Variants in TFDP2 observed in about 807,000 individuals in gnomAD.
TFDP2 encodes transcription factor Dp-2 (E2F dimerization partner 2).
TFDP2 carries 17 observed loss-of-function variants against 59.3 expected under a neutral mutation model. The ratio of observed to expected loss-of-function variants is 0.29; its 90% CI spans 0.20 to 0.43. The LOEUF (loss-of-function observed/expected upper bound fraction) is 0.43, where lower values mean the gene tolerates loss of function less well. Among genes scored for constraint, TFDP2 ranks in the 20% least tolerant of loss-of-function variants. The pLI is 1.00. For synonymous variants in TFDP2, 180 were observed against 194.7 expected, an observed-to-expected ratio of 0.92 and a Z score of 0.63; for missense variants, 391 against 528.8, an observed-to-expected ratio of 0.74 and a Z score of 2.56.
chr3:141,993,575 G>A lies in TFDP2; in HGVS notation c.319C>T (p.Arg107Trp), dbSNP rs1234851429. The change falls in exon 6 of 13, where the codon CGG becomes TGG. Residue 107 changes from arginine (R) to tryptophan (W), a missense_variant. Physicochemically the swap from Arg to Trp is moderately radical, Grantham distance 101. Coordinates refer to ENST00000489671, the MANE Select transcript of TFDP2 (RefSeq NM_001178139.2). The part of the protein sequence containing the change: ...ATGWVPGDRK[R>W]ARKFIDSDFS... ...TCAGAGTCTATAAATTTTCTAGCCC[G>A]TTTTCTATCACTAAAAAGGAAAAAA... The A allele has an allele frequency of 3.8e-6, 6 of 1,563,848 alleles. No homozygotes were observed. Among genetic ancestry groups the A allele is most frequent in the South Asian group, 2.3e-5 (2 of 85,940 alleles).
intron 2 of TFDP2, among the ~76,000 whole-genome samples, chr3:142,093,741 T>C (rs891939426): frequency 1.3e-5 from 2 of 152,214 alleles, no homozygotes; most frequent in African/African-American, 2.4e-5. Context: ...GTAAAATACA[T>C]TGGCCTTAAG....
chr3:142,030,796 G>GC (rs1946388004), intron 3 of TFDP2, among the ~76,000 whole-genome samples: 1 of 137,362 alleles, frequency 7.3e-6, no homozygotes, highest in South Asian at 2.3e-4. Context: ...AGGCTGGAGT[G>GC]CAGTGGCGCG....
chr3:142,023,118 G>A (rs72990266), intron 3 of TFDP2, among the ~76,000 whole-genome samples: 102,848 of 126,524 alleles, frequency 0.81, 41,838 homozygotes, highest in African/African-American at 0.95. Flanking sequence ...GACTCCCTCC[G>A]TCTCAAAAAA....
At chr3:142,097,823 T>C (rs577651367) in intron 2 of TFDP2, among the ~76,000 whole-genome samples, 2 of 152,148 alleles carry the variant, frequency 1.3e-5, no homozygotes, top group African/African-American at 2.4e-5. Flanking sequence ...ATAGTCCCTA[T>C]TGCCCAGGCT....
Position 141,952,386 on chromosome 3 carries a change from T to TAGA in TFDP2, c.*126_*127insTCT. The TAGA allele has an allele frequency of 1.2e-6, 1 of 843,224 alleles. No individual in the cohort carries two copies. Among genetic ancestry groups the TAGA allele is most frequent in the Non-Finnish European group, 1.7e-6 (1 of 571,494 alleles). 52.2% of individuals were successfully genotyped at this position (843,224 alleles called of 1,614,324 possible). A position where few individuals can be genotyped will look rare whatever the true frequency, so the allele number is the denominator to read the frequency against. On this transcript the variant is annotated 3_prime_UTR_variant, in exon 13 of 13. Transcript: ENST00000489671. Reference sequence around the variant, plus strand: ...CTTCATGTGATTTGCTTATTGTGTTTCTCTAGTTTTCACTGAACACACAGT... The same window carrying TAGA: ...CTTCATGTGATTTGCTTATTGTGTTTAGACTCTAGTTTTCACTGAACACACAGT...
chr3:142,102,170 C>A (rs1010233999), intron 1 of TFDP2, among the ~76,000 whole-genome samples: 2 of 152,108 alleles, frequency 1.3e-5, no homozygotes, highest in African/African-American at 4.8e-5. Context: ...ACAAGATAAA[C>A]CTAGAACATC....
chr3:142,087,997 C>A (rs771121436), intron 3 of TFDP2, among the ~76,000 whole-genome samples: 2 of 152,170 alleles, frequency 1.3e-5, no homozygotes, highest in Non-Finnish European at 2.9e-5. Flanking sequence ...CAGTCCTATA[C>A]CCTGATATAC....
At chr3:142,137,424 T>C (rs985272613) in intron 1 of TFDP2, among the ~76,000 whole-genome samples, 1 of 152,212 alleles carries the variant, frequency 6.6e-6, no homozygotes, top group Non-Finnish European at 1.5e-5. Flanking sequence ...CTATGTTGAA[T>C]AGAAGTGGTG....
chr3:142,006,943 A>G (rs1256493963), intron 3 of TFDP2, among the ~76,000 whole-genome samples: 1 of 151,852 alleles, frequency 6.6e-6, no homozygotes, highest in African/African-American at 2.4e-5. Context: ...TGCCTGGCTA[A>G]TTTTTGTGTT....
intron 2 of TFDP2, among the ~76,000 whole-genome samples, chr3:142,097,117 T>A (rs2061186719): frequency 6.6e-6 from 1 of 152,218 alleles, no homozygotes; most frequent in Non-Finnish European, 1.5e-5. Flanking sequence ...CACCATTTTT[T>A]GCTGATTAAA....
chr3:142,058,754 C>A (rs2059823599), intron 3 of TFDP2, among the ~76,000 whole-genome samples: 1 of 152,170 alleles, frequency 6.6e-6, no homozygotes, highest in African/African-American at 2.4e-5. Context: ...GCCACCCTCC[C>A]AGTACCTCAC....
At chr3:142,000,241 T>G (rs1576644978) in intron 4 of TFDP2, 1 of 700,640 alleles carries the variant, frequency 1.4e-6, no homozygotes, top group East Asian at 2.7e-5. Flanking sequence ...CCACAGAAAT[T>G]TATTGCTCAC....
Position 141,998,606 on chromosome 3 carries a change from G to A in TFDP2, c.187-3465C>T, listed in dbSNP as rs145635037. Among the ~76,000 whole-genome samples, 55 of 152,142 alleles carry A rather than the reference G, an allele frequency of 3.6e-4. 1 individual carries two copies. In the East Asian group the frequency reaches 9.9e-3, roughly 27 times the overall value. On this transcript the variant is annotated intron_variant, in intron 4 of 12. Transcript: ENST00000489671. ...CACTCTCCAGCCTAGGTGACAGAGC[G>A]AGACTCTGTCAAAAAAGAAAAAAAA...
At chr3:141,965,025 C>G (rs1239759065) in intron 9 of TFDP2, among the ~76,000 whole-genome samples, 1 of 152,186 alleles carries the variant, frequency 6.6e-6, no homozygotes, top group Non-Finnish European at 1.5e-5. Flanking sequence ...GCACTCCAGC[C>G]TGGGCAACAA....
chr3:142,023,388 G>A (rs548974871), intron 3 of TFDP2, among the ~76,000 whole-genome samples: 39 of 150,872 alleles, frequency 2.6e-4, no homozygotes, highest in East Asian at 1.8e-3. Flanking sequence ...ACAGGGTTTC[G>A]CCATGTTGTC....
intron 3 of TFDP2, among the ~76,000 whole-genome samples, chr3:142,058,398 C>T (rs1401833661): frequency 6.7e-6 from 1 of 150,082 alleles, no homozygotes; most frequent in African/African-American, 2.5e-5. Flanking sequence ...CAATTCAATA[C>T]AATTTTGATA....
intron 3 of TFDP2, among the ~76,000 whole-genome samples, chr3:142,007,949 C>G (rs9822044): frequency 0.044 from 6,708 of 152,294 alleles, 152 homozygotes; most frequent in South Asian, 0.071. Context: ...TGTGGCCCAG[C>G]TCCTAACAGG....
intron 7 of TFDP2, among the ~76,000 whole-genome samples, chr3:141,977,405 CAAAA>C (rs202181685): frequency 1.9e-5 from 2 of 106,714 alleles, no homozygotes; most frequent in Non-Finnish European, 3.9e-5. Flanking sequence ...GACCTCATAT[CAAAA>C]AAAAAAAAAA....
intron 3 of TFDP2, among the ~76,000 whole-genome samples, chr3:142,017,412 A>T (rs1375623935): frequency 6.6e-6 from 1 of 152,232 alleles, no homozygotes; most frequent in Non-Finnish European, 1.5e-5. Flanking sequence ...ACTAGAGTGT[A>T]CAGTGAAAAC....
Sources: gnomAD v4.1 joint callset for allele counts (sites outside exome capture counted in the v4.1 genomes callset) on GRCh38, gnomAD v4.1.1 for gene constraint, MANE v1.5 for transcripts, NCBI Gene and HGNC (gene_info 2026-07-23, HGNC 2026-07-21) for gene names.